The following LINGO2 variants were observed in gnomAD, a reference collection of about 807,000 sequenced individuals.
LINGO2 encodes the protein leucine rich repeat and Ig domain containing 2, also known as leucine-rich repeat and immunoglobulin-like domain-containing nogo receptor-interacting protein 2.
A neutral mutation model predicts 30.6 loss-of-function variants in LINGO2; 14 were observed. The observed-to-expected ratio is 0.46, with a 90% CI of 0.30 to 0.72. The LOEUF (loss-of-function observed/expected upper bound fraction) is 0.72. Ranked by LOEUF, LINGO2 falls within the 30% of genes least tolerant of loss-of-function variation. The pLI is 0.07. For synonymous variants in LINGO2, 317 were observed against 288.5 expected (o/e 1.10, Z -1.00); for missense variants, 729 against 751.7 (o/e 0.97, Z 0.35).
chr9:29,130,667 T>C, the LINGO2 span, among the ~76,000 whole-genome samples: 2 of 152,006 alleles, frequency 1.3e-5, no homozygotes, highest in South Asian at 2.1e-4. Flanking sequence ...CCTGGAACAA[T>C]TTTAGCACAC....
At chr9:29,171,231 T>G in the LINGO2 span, among the ~76,000 whole-genome samples, 1 of 152,088 alleles carries the variant, frequency 6.6e-6, no homozygotes, top group African/African-American at 2.4e-5. Flanking sequence ...CCTTAAACAT[T>G]TTCATTTAAG....
intron 4 of LINGO2, among the ~76,000 whole-genome samples, chr9:28,247,719 G>T (rs1327061184): frequency 6.6e-6 from 1 of 151,940 alleles, no homozygotes; most frequent in African/African-American, 2.4e-5. Flanking sequence ...TTTGTAACAC[G>T]CCTGCATGAT....
chr9:28,004,727 G>T (rs1822174289), intron 5 of LINGO2, among the ~76,000 whole-genome samples: 3 of 152,158 alleles, frequency 2.0e-5, no homozygotes, highest in Non-Finnish European at 2.9e-5. Flanking sequence ...GCAAAATTGG[G>T]CTGGGTTTTG....
intron 4 of LINGO2, among the ~76,000 whole-genome samples, chr9:28,152,322 T>A (rs1828023203): frequency 6.6e-6 from 1 of 151,940 alleles, no homozygotes; most frequent in Non-Finnish European, 1.5e-5. Context: ...TCTCTCTTGC[T>A]TTCTTTCTCG....
intron 1 of LINGO2, among the ~76,000 whole-genome samples, chr9:28,648,782 G>C (rs1056198338): frequency 3.9e-5 from 6 of 152,014 alleles, no homozygotes; most frequent in Non-Finnish European, 7.4e-5. Flanking sequence ...TATTCTTAAA[G>C]CAAATACATG....
In LINGO2 at chr9:28,382,327, C is replaced by A. The variant is rs1821388605; in HGVS notation, c.-278-9459G>T. Among the ~76,000 whole-genome samples the A allele has an allele frequency of 1.3e-5, 2 of 152,070 alleles. 1 individual carries two copies. Among genetic ancestry groups the A allele is most frequent in the South Asian group, 4.1e-4 (2 of 4,832 alleles). On this transcript the variant is annotated intron_variant, in intron 2 of 5. Transcript: ENST00000379992. ...TGTCTAGAATTCAGATAAAGATGTTCTCTCATGGAATGATTCACATGGAAA... is the reference window on the plus strand; with the variant it reads ...TGTCTAGAATTCAGATAAAGATGTTATCTCATGGAATGATTCACATGGAAA...
the LINGO2 span, among the ~76,000 whole-genome samples, chr9:28,946,014 T>G: frequency 6.6e-6 from 1 of 152,218 alleles, no homozygotes; most frequent in Non-Finnish European, 1.5e-5. Context: ...AAGTTCCTCA[T>G]AAATATTTGA....
intron 2 of LINGO2, among the ~76,000 whole-genome samples, chr9:28,392,464 A>C (rs1235308221): frequency 6.6e-6 from 1 of 152,202 alleles, no homozygotes; most frequent in Non-Finnish European, 1.5e-5. Context: ...AGTAGAAATC[A>C]TAGTTCCACC....
At chr9:28,622,432 T>C (rs1826445095) in intron 1 of LINGO2, among the ~76,000 whole-genome samples, 1 of 152,044 alleles carries the variant, frequency 6.6e-6, no homozygotes, top group African/African-American at 2.4e-5. Flanking sequence ...CAAAAATAAG[T>C]GAGAACTTAC....
Position 28,531,416 on chromosome 9 carries a change from T to C in LINGO2, c.-364-55391A>G, listed in dbSNP as rs73644055. Among the ~76,000 whole-genome samples the C allele has an allele frequency of 4.5e-3, 692 of 152,212 alleles. 2 individuals are homozygous for C. Among genetic ancestry groups the C allele is most frequent in the African/African-American group, 0.016 (666 of 41,548 alleles). ...TCCATTATGCTTTGTCTACATTTTT[T>C]CAATTTTCCAAACACCAGTATCCCT... On this transcript the variant is annotated intron_variant, in intron 1 of 5. Coordinates refer to ENST00000379992, the Ensembl canonical transcript of LINGO2.
the LINGO2 span, among the ~76,000 whole-genome samples, chr9:29,068,054 T>C: frequency 6.6e-6 from 1 of 151,856 alleles, no homozygotes; most frequent in Non-Finnish European, 1.5e-5. Context: ...TGAAAGAGCA[T>C]GAGACAGCAA....
intron 5 of LINGO2, among the ~76,000 whole-genome samples, chr9:28,004,186 G>A (rs375049746): frequency 1.1e-4 from 16 of 152,104 alleles, no homozygotes; most frequent in East Asian, 9.7e-4. Context: ...ATGAAGTATC[G>A]ACCTAATCCT....
intron 1 of LINGO2, among the ~76,000 whole-genome samples, chr9:28,581,183 A>C (rs1158484234): frequency 1.3e-5 from 2 of 151,962 alleles, no homozygotes; most frequent in Non-Finnish European, 2.9e-5. Flanking sequence ...GTTAGAGTCC[A>C]TCTAATATAT....
intron 3 of LINGO2, among the ~76,000 whole-genome samples, chr9:28,356,324 C>G (rs1001792778): frequency 2.0e-5 from 3 of 152,002 alleles, no homozygotes; most frequent in African/African-American, 7.2e-5. Flanking sequence ...AAGACATGAC[C>G]TCCTAGGTTT....
At chr9:28,295,921 A>G (rs1218598762) in intron 3 of LINGO2, among the ~76,000 whole-genome samples, 1 of 152,202 alleles carries the variant, frequency 6.6e-6, no homozygotes, top group Non-Finnish European at 1.5e-5. Context: ...GGACATATGT[A>G]AGGTGTTGCA....
the LINGO2 span, among the ~76,000 whole-genome samples, chr9:28,895,613 A>T: frequency 6.6e-6 from 1 of 152,082 alleles, no homozygotes; most frequent in East Asian, 1.9e-4. Flanking sequence ...GCGCATACAT[A>T]TTCCCATTTC....
chr9:28,944,240 C>T, the LINGO2 span, among the ~76,000 whole-genome samples: 2 of 152,134 alleles, frequency 1.3e-5, no homozygotes, highest in Non-Finnish European at 2.9e-5. Flanking sequence ...GACATTCAGA[C>T]CCTTGAAGGA....
intron 1 of LINGO2, among the ~76,000 whole-genome samples, chr9:28,577,460 C>T (rs1196073000): frequency 6.6e-6 from 1 of 152,120 alleles, no homozygotes; most frequent in Non-Finnish European, 1.5e-5. Context: ...CCCAACCAAT[C>T]AGCAGCAACC....
the LINGO2 span, among the ~76,000 whole-genome samples, chr9:29,181,642 G>C: frequency 6.6e-6 from 1 of 152,104 alleles, no homozygotes; most frequent in East Asian, 1.9e-4. Flanking sequence ...AACTGAAGTT[G>C]AAATAAACTG....
Sources: allele counts gnomAD v4.1 joint callset (sites outside exome capture counted in the v4.1 genomes callset), GRCh38; gene constraint gnomAD v4.1.1; transcripts MANE v1.5; gene names NCBI Gene and HGNC (gene_info 2026-07-23, HGNC 2026-07-21).